Variants in BRIP1 observed in about 807,000 individuals in gnomAD.
BRIP1 encodes the protein Fanconi anemia group J protein.
BRIP1 carries 88 observed loss-of-function variants against 119.7 expected under a neutral mutation model. That is an observed-to-expected ratio of 0.74 (90% CI 0.62 to 0.88). BRIP1 has a LOEUF of 0.88. Among genes scored for constraint, BRIP1 ranks in the 40% least tolerant of loss-of-function variants. The probability of loss-of-function intolerance (pLI) is 0.00; values close to 1 mark genes in which losing one functional copy is unlikely to be tolerated. For synonymous variants in BRIP1, 443 were observed against 496.5 expected, an observed-to-expected ratio of 0.89 and a Z score of 1.43; for missense variants, 1,259 against 1,455.4, an observed-to-expected ratio of 0.87 and a Z score of 2.20.
In BRIP1 at chr17:61,852,749, T is replaced by C. The variant is rs1376982499; in HGVS notation, c.380-3493A>G. ...GGTATCCAAATGACCAATAAACATA[T>C]GAAGTCACCAGAGAAATACTAACTA... On this transcript the variant is annotated intron_variant, in intron 4 of 19. Coordinates refer to ENST00000259008, the MANE Select transcript of BRIP1 (RefSeq NM_032043.3). This position sits in a 1 kb window ranked among gnomAD's most constrained non-coding sequence, Gnocchi z 4.9. Among the ~76,000 whole-genome samples the C allele has an allele frequency of 6.6e-6, 1 of 152,030 alleles. No individual in the cohort carries two copies. Among genetic ancestry groups the C allele is most frequent in the African/African-American group, 2.4e-5 (1 of 41,374 alleles).
chr17:61,693,581 G>C lies in BRIP1; in HGVS notation c.2493-69C>G, dbSNP rs2061480596. On this transcript the variant is annotated intron_variant, in intron 17 of 19. Transcript: ENST00000259008. This position sits in a 1 kb window ranked among gnomAD's most constrained non-coding sequence, Gnocchi z 4.2. ...ATAAATCCAGTTTTCCAGTGGGACA[G>C]ACAGAAAATTGGAAAAAAATCAATT... 2 of 1,347,858 alleles carry C rather than the reference G, an allele frequency of 1.5e-6. No individual in the cohort carries two copies. Among genetic ancestry groups the C allele is most frequent in the Non-Finnish European group, 2.1e-6 (2 of 944,676 alleles). 83.5% of individuals were successfully genotyped at this position (1,347,858 alleles called of 1,614,324 possible). A position where few individuals can be genotyped will look rare whatever the true frequency, so the allele number is the denominator to read the frequency against.
At chr17:61,716,831 G>GAAAAA in intron 16 of BRIP1, among the ~76,000 whole-genome samples, 1 of 150,316 alleles carries the variant, frequency 6.7e-6, no homozygotes, top group Non-Finnish European at 1.5e-5. Context: ...TCCACTACTG[G>GAAAAA]ATTATTAGCT....
At position 61,708,977 on chromosome 17, in the gene BRIP1, C is replaced by T. The variant is rs953114872; in HGVS notation, c.2492+6974G>A. The stretch of plus-strand genomic sequence containing the variant: ...ATAATATTAACCTCCATCTTTAATA[C>T]GTCCTCAGCTGTGCCTGGTGTTGAA... On this transcript the variant is annotated intron_variant, in intron 17 of 19. Transcript: ENST00000259008. The surrounding 1 kb of genome is among the most constrained non-coding windows in gnomAD (Gnocchi z 4.4). Among the ~76,000 whole-genome samples the T allele has an allele frequency of 6.6e-6, 1 of 152,150 alleles. No homozygotes were observed. Among genetic ancestry groups the T allele is most frequent in the African/African-American group, 2.4e-5 (1 of 41,420 alleles).
At chr17:61,781,688 C>A (rs1010328544) in intron 11 of BRIP1, among the ~76,000 whole-genome samples, 1 of 151,852 alleles carries the variant, frequency 6.6e-6, no homozygotes, top group African/African-American at 2.4e-5. Context: ...TTTGGGAGGC[C>A]GAGGCAGGTG....
At chr17:61,849,668 A>C (rs576800031) in intron 4 of BRIP1, among the ~76,000 whole-genome samples, 76 of 152,342 alleles carry the variant, frequency 5.0e-4, no homozygotes, top group African/African-American at 1.8e-3. Context: ...TCAAGCTCAT[A>C]TAATCTGTCT....
chr17:61,685,739 A>G (rs750450664), intron 19 of BRIP1, 97 bp downstream of exon 19: 2 of 1,110,536 alleles, frequency 1.8e-6, no homozygotes, highest in Admixed American at 1.9e-5. Context: ...ACAAACCACC[A>G]TATTTAAGGA....
rs775467378 is a variant in BRIP1, at chr17:61,689,477, A to G, written c.2576-3312T>C. Among the ~76,000 whole-genome samples, 1 of 152,182 alleles carries G rather than the reference A, an allele frequency of 6.6e-6. No homozygotes were observed. The highest frequency in any genetic ancestry group is 1.5e-5 in the Non-Finnish European group (1 of 68,014). ...AATATACACATTCTGGGAGTCCTAG[A>G]AAGAGAAAGAGAGAAAGGAGCAGAA... On this transcript the variant is annotated intron_variant, in intron 18 of 19. Coordinates refer to ENST00000259008, the MANE Select transcript of BRIP1 (RefSeq NM_032043.3). The surrounding 1 kb of genome is among the most constrained non-coding windows in gnomAD (Gnocchi z 4.5).
chr17:61,799,720 G>A lies in BRIP1; in HGVS notation c.1141-421C>T, dbSNP rs1359014023. Among the ~76,000 whole-genome samples, 5 of 152,020 alleles carry A rather than the reference G, an allele frequency of 3.3e-5. No homozygotes were observed. The highest frequency in any genetic ancestry group is 7.4e-5 in the Non-Finnish European group (5 of 67,982). The stretch of plus-strand genomic sequence containing the variant: ...CTTTAAAAGTAAAATAACAATACAA[G>A]ATTAAAAGCATAAAACCTTTAAAAG... On this transcript the variant is annotated intron_variant, in intron 8 of 19. Coordinates refer to ENST00000259008, the MANE Select transcript of BRIP1 (RefSeq NM_032043.3). This position sits in a 1 kb window ranked among gnomAD's most constrained non-coding sequence, Gnocchi z 5.1.
intron 14 of BRIP1, among the ~76,000 whole-genome samples, chr17:61,766,725 G>T (rs1158215004): frequency 6.6e-6 from 1 of 152,020 alleles, no homozygotes; most frequent in East Asian, 1.9e-4. Flanking sequence ...TGTAAAATAT[G>T]CCCTCAGGGA....
Position 61,762,281 on chromosome 17 carries a change from A to C in BRIP1, c.2097+14120T>G, listed in dbSNP as rs76514511. ...ATTAAAGATTTAAACCCAAGAACTG[A>C]AACTGTAAAACTACTAGAAGAAAAC... On this transcript the variant is annotated intron_variant, in intron 14 of 19. Transcript: ENST00000259008. The surrounding 1 kb of genome is among the most constrained non-coding windows in gnomAD (Gnocchi z 4.3). 2.9e-3 allele frequency among the ~76,000 whole-genome samples: 434 copies of C among 152,280 alleles called. 2 individuals carry two copies. Among genetic ancestry groups the C allele is most frequent in the African/African-American group, 0.01 (417 of 41,574 alleles).
At position 61,855,654 on chromosome 17, in the gene BRIP1, T is replaced by C. The variant is rs144582512; in HGVS notation, c.379+1404A>G. On this transcript the variant is annotated intron_variant, in intron 4 of 19. Transcript: ENST00000259008. ...CAAGTAAACGTCAATAAAGCTGTTT[T>C]TAAAAGGTTGTATATAAATATTATA... 3.3e-3 allele frequency among the ~76,000 whole-genome samples: 506 copies of C among 152,218 alleles called. 4 individuals are homozygous for C. Among genetic ancestry groups the C allele is most frequent in the Non-Finnish European group, 5.1e-3 (350 of 68,012 alleles).
rs115400761 is a variant in BRIP1 at position 61,720,271 on chromosome 17, T to C, written c.2380-4208A>G. Among the ~76,000 whole-genome samples, 837 of 152,298 alleles carry C rather than the reference T, an allele frequency of 5.5e-3. 4 individuals carry two copies. Among genetic ancestry groups the C allele is most frequent in the African/African-American group, 0.019 (804 of 41,568 alleles). On this transcript the variant is annotated intron_variant, in intron 16 of 19. Transcript: ENST00000259008. This position sits in a 1 kb window ranked among gnomAD's most constrained non-coding sequence, Gnocchi z 4.3. Reference sequence around the variant, plus strand: ...TAGAAGGAGGAGATTACATGTTCCATACACAAAGAAATGATAAATGTTTGA... The same window carrying C: ...TAGAAGGAGGAGATTACATGTTCCACACACAAAGAAATGATAAATGTTTGA...
rs1269098747 is a variant in BRIP1, at chr17:61,709,394, T to C, written c.2492+6557A>G. Among the ~76,000 whole-genome samples the C allele has an allele frequency of 6.6e-6, 1 of 152,096 alleles. No homozygotes were observed. Among genetic ancestry groups the C allele is most frequent in the Non-Finnish European group, 1.5e-5 (1 of 68,022 alleles). ...GAGTAACATAAATGTTCAATTTTTC[T>C]ACAAAGACAAAAAAAATCTAAATTT... On this transcript the variant is annotated intron_variant, in intron 17 of 19. Transcript: ENST00000259008. This position sits in a 1 kb window ranked among gnomAD's most constrained non-coding sequence, Gnocchi z 5.0.
At chr17:61,711,020 C>T (rs112380055) in intron 17 of BRIP1, among the ~76,000 whole-genome samples, 2 of 133,582 alleles carry the variant, frequency 1.5e-5, no homozygotes, top group South Asian at 2.4e-4. Flanking sequence ...GGCGACAGAG[C>T]GAGACTCCAT....
At chr17:61,817,950 G>C (rs888479140) in intron 6 of BRIP1, among the ~76,000 whole-genome samples, 5 of 152,050 alleles carry the variant, frequency 3.3e-5, no homozygotes, top group Non-Finnish European at 7.4e-5. Flanking sequence ...AATCTTTTTT[G>C]TTCTAATTTT....
In BRIP1 at chr17:61,775,916, T is replaced by C. The variant is rs1480377497; in HGVS notation, c.2097+485A>G. ...TTATTTTATTTTAGAGAGAGTCTTA[T>C]TCTGTTGCCCACGCTGGAGTGCAGG... On this transcript the variant is annotated intron_variant, in intron 14 of 19. Transcript: ENST00000259008. The surrounding 1 kb of genome is among the most constrained non-coding windows in gnomAD (Gnocchi z 4.4). The C allele has an allele frequency of 5.9e-6, 1 of 168,396 alleles. No individual in the cohort carries two copies. The highest frequency in any genetic ancestry group is 1.3e-5 in the Non-Finnish European group (1 of 77,234). The allele number at this position is 168,396 out of a possible 1,614,324, so 10.4% of individuals were successfully genotyped here.
At chr17:61,786,893 ATT>A (rs1567819309) in intron 10 of BRIP1, among the ~76,000 whole-genome samples, 1 of 112,766 alleles carries the variant, frequency 8.9e-6, no homozygotes, top group African/African-American at 3.5e-5. Flanking sequence ...ATATAAATAT[ATT>A]TTATATATAA....
chr17:61,817,662 CAACT>C (rs888477587), intron 6 of BRIP1, among the ~76,000 whole-genome samples: 2 of 152,182 alleles, frequency 1.3e-5, no homozygotes, highest in Non-Finnish European at 2.9e-5. Context: ...GTAATTAGTA[CAACT>C]AACTGAATTT....
In BRIP1 at chr17:61,699,779, T is replaced by C. The variant is rs1436584293; in HGVS notation, c.2493-6267A>G. On this transcript the variant is annotated intron_variant, in intron 17 of 19. Transcript: ENST00000259008. The surrounding 1 kb of genome is among the most constrained non-coding windows in gnomAD (Gnocchi z 4.8). The stretch of plus-strand genomic sequence containing the variant: ...GCCTGAACTGTTTGAGTAAACAATA[T>C]ATTAATGCTGAATACTCATTCTCCT... Among the ~76,000 whole-genome samples the C allele has an allele frequency of 6.6e-6, 1 of 152,206 alleles. No individual in the cohort carries two copies. Among genetic ancestry groups the C allele is most frequent in the Non-Finnish European group, 1.5e-5 (1 of 68,032 alleles).
Sources: allele counts gnomAD v4.1 joint callset (sites outside exome capture counted in the v4.1 genomes callset), GRCh38; gene constraint gnomAD v4.1.1; non-coding constraint Gnocchi (gnomAD v3.1); transcripts MANE v1.5; gene names NCBI Gene and HGNC (gene_info 2026-07-23, HGNC 2026-07-21).